The following HMMR variants were observed in gnomAD, a reference collection of about 807,000 sequenced individuals.
The protein encoded by HMMR is intracellular hyaluronic acid-binding protein.
In HMMR, 108 loss-of-function variants were observed where a neutral mutation model predicts 101.0. The ratio of observed to expected loss-of-function variants is 1.07; its 90% CI spans 0.92 to 1.25. The LOEUF is 1.25. HMMR is among the 50% of genes most tolerant of loss of function. The probability of loss-of-function intolerance (pLI) is 0.00; values close to 1 mark genes in which losing one functional copy is unlikely to be tolerated. For missense variants in HMMR, 813 were observed against 788.7 expected (o/e 1.03, Z -0.37); for synonymous variants, 296 against 276.4 (o/e 1.07, Z -0.70).
chr5:163,462,892 A>G lies in HMMR; in HGVS notation c.47-964A>G, dbSNP rs370965764. 2.8e-4 allele frequency among the ~76,000 whole-genome samples: 43 copies of G among 151,604 alleles called. No homozygotes were observed. The East Asian group carries it at 5.2e-3, about 18-fold the overall frequency. On this transcript the variant is annotated intron_variant, in intron 1 of 17. Coordinates refer to ENST00000393915, the MANE Select transcript of HMMR (RefSeq NM_001142556.2). ...CTACTGTTTGACAAACATTTAGGGG[A>G]CAGCAGTAGTTGCCTGGGAATGGTC...
chr5:163,482,145 G>C (rs1288690059), intron 12 of HMMR, among the ~76,000 whole-genome samples: 1 of 152,146 alleles, frequency 6.6e-6, no homozygotes, highest in Admixed American at 6.5e-5. Flanking sequence ...TCGAACTCCT[G>C]ACCTCAGGTG....
At position 163,475,472 on chromosome 5, in the gene HMMR, T is replaced by A. The variant is rs1759037892; in HGVS notation, c.1068T>A (p.Ser356Arg). The change falls in exon 11 of 18, where the codon AGT becomes AGA. Residue 356 changes from serine to arginine, a missense_variant. Physicochemically the swap from Ser to Arg is moderately radical, Grantham distance 110. Coordinates refer to ENST00000393915, the MANE Select transcript of HMMR (RefSeq NM_001142556.2). ...LLQQEKELSS[S>R]LHQKLCSFQE... ...TTTGGATATAGGAATTATCTTCGAG[T>A]CTTCATCAGAAGCTCTGTTCTTTTC... 2 of 1,590,506 alleles carry A rather than the reference T, an allele frequency of 1.3e-6. No individual in the cohort carries two copies. The highest frequency in any genetic ancestry group is 1.7e-6 in the Non-Finnish European group (2 of 1,166,470).
At chr5:163,490,315 C>A in intron 16 of HMMR, 75 bp from the exon 17 acceptor site, 1 of 994,800 alleles carries the variant, frequency 1.0e-6, no homozygotes, top group South Asian at 1.7e-5. Context: ...TGGAATTTGC[C>A]CGCAACATTG....
At position 163,467,758 on chromosome 5, in the gene HMMR, G is replaced by A; in HGVS notation, c.273+10G>A. The stretch of plus-strand genomic sequence containing the variant: ...GATATTAGAGAAAGAGGTAAGCAGT[G>A]CTTTAAACTTAGTGAAAAGTACACA... On this transcript the variant is annotated intron_variant, in intron 4 of 17. Coordinates refer to ENST00000393915, the MANE Select transcript of HMMR (RefSeq NM_001142556.2). 1.4e-6 allele frequency: 2 copies of A among 1,425,076 alleles called. No homozygotes were observed. Among genetic ancestry groups the A allele is most frequent in the Non-Finnish European group, 9.9e-7 (1 of 1,013,130 alleles). The allele number at this position is 1,425,076 out of a possible 1,614,324, so 88.3% of individuals were successfully genotyped here.
At position 163,491,204 on chromosome 5, in the gene HMMR, G is replaced by A. The variant is rs779835974; in HGVS notation, c.*40G>A. On this transcript the variant is annotated 3_prime_UTR_variant, in exon 18 of 18. Coordinates refer to ENST00000393915, the MANE Select transcript of HMMR (RefSeq NM_001142556.2). ...TGTTGAAGATTATTTCATTCGTCTT[G>A]TTGTTATTGATGTTGCTGTTATTAT... 5.2e-6 allele frequency: 6 copies of A among 1,154,874 alleles called. No homozygotes were observed. The highest frequency in any genetic ancestry group is 2.3e-5 in the Admixed American group (1 of 43,298). 71.5% of individuals were successfully genotyped at this position (1,154,874 alleles called of 1,614,324 possible).
chr5:163,464,939 C>T (rs769408620), intron 3 of HMMR, 137 bp downstream of exon 3: 1 of 613,114 alleles, frequency 1.6e-6, no homozygotes. Flanking sequence ...AATGAGTTAT[C>T]ATTAGAACTC....
intron 3 of HMMR, among the ~76,000 whole-genome samples, chr5:163,465,395 G>A (rs182453146): frequency 1.3e-5 from 2 of 152,060 alleles, no homozygotes; most frequent in East Asian, 1.9e-4. Context: ...GTGCAGTGGC[G>A]CCATCTCAGC....
At chr5:163,477,425 T>C (rs897423332) in intron 11 of HMMR, among the ~76,000 whole-genome samples, 1 of 152,192 alleles carries the variant, frequency 6.6e-6, no homozygotes, top group Non-Finnish European at 1.5e-5. Context: ...GATACTTTTG[T>C]TATTAATCTT....
chr5:163,465,809 A>G (rs1436688222), intron 3 of HMMR, among the ~76,000 whole-genome samples: 1 of 152,000 alleles, frequency 6.6e-6, no homozygotes, highest in Non-Finnish European at 1.5e-5. Flanking sequence ...AAAAATACAA[A>G]AATGTGCTGG....
chr5:163,461,942 AT>A (rs1399904786), intron 1 of HMMR, among the ~76,000 whole-genome samples: 1 of 152,212 alleles, frequency 6.6e-6, no homozygotes, highest in Non-Finnish European at 1.5e-5. Flanking sequence ...AGAGCTAAAT[AT>A]TAAAGCTCAT....
chr5:163,469,706 G>A lies in HMMR; in HGVS notation c.339G>A (p.Leu113=). ...DRRIQDLETE[L]EKMEARLNAA... is the part of the protein sequence containing the mutation. ...GGATCCAGGATCTGGAAACTGAGTTGGAAAAGATGGAAGCAAGGCTAAATG... is the reference window on the plus strand; with the variant it reads ...GGATCCAGGATCTGGAAACTGAGTTAGAAAAGATGGAAGCAAGGCTAAATG... Residue 113 remains leucine (L), a synonymous_variant, in exon 5 of 18, where the codon TTG becomes TTA. Coordinates refer to ENST00000393915, the MANE Select transcript of HMMR (RefSeq NM_001142556.2). The A allele has an allele frequency of 1.2e-6, 2 of 1,613,740 alleles. No homozygotes were observed. The highest frequency in any genetic ancestry group is 2.7e-5 in the African/African-American group (2 of 74,994).
intron 11 of HMMR, among the ~76,000 whole-genome samples, chr5:163,477,604 G>T (rs1759111981): frequency 6.6e-6 from 1 of 152,140 alleles, no homozygotes; most frequent in African/African-American, 2.4e-5. Flanking sequence ...AGAGAGGAAA[G>T]AAAATTGAGA....
chr5:163,467,857 A>G (rs1453067214), intron 4 of HMMR, 109 bp downstream of exon 4: 3 of 669,138 alleles, frequency 4.5e-6, no homozygotes, highest in Non-Finnish European at 8.0e-6. Flanking sequence ...CAGTGAGGCA[A>G]ACATGCCATC....
Position 163,483,020 on chromosome 5 carries a change from GA to G in HMMR, c.1534del (p.Met512CysfsTer3). The G allele has an allele frequency of 6.3e-7, 1 of 1,582,638 alleles. No homozygotes were observed. Among genetic ancestry groups the G allele is most frequent in the Non-Finnish European group, 8.5e-7 (1 of 1,170,222 alleles). On this transcript the variant is annotated frameshift_variant and splice_region_variant, in exon 14 of 18. Transcript: ENST00000393915. LOFTEE classifies it high-confidence loss of function. Reference sequence around the variant, plus strand: ...TGACCTCTTCTCTCTCAAACCAAAGGATGCTTCTAGATCTGCAGACCAAGTC... The same window carrying G: ...TGACCTCTTCTCTCTCAAACCAAAGGTGCTTCTAGATCTGCAGACCAAGTC... ...TESSNQEYVRMLLDLQTKSAL... is the reference protein window; with the variant it reads ...TESSNQEYVRXLLDLQTKSAL...
At position 163,490,575 on chromosome 5, in the gene HMMR, A is replaced by G. The variant is rs758742537; in HGVS notation, c.2125+23A>G. ...AAGGTAAGACATGAATAAATGTATA[A>G]AAGTGTCCTCTTCCTTTGGATTTGC... On this transcript the variant is annotated intron_variant, in intron 17 of 17. Transcript: ENST00000393915. The G allele has an allele frequency of 2.0e-5, 30 of 1,537,102 alleles. No individual in the cohort carries two copies. In the East Asian group the frequency reaches 6.5e-4, roughly 34 times the overall value.
chr5:163,482,679 A>G lies in HMMR; in HGVS notation c.1423A>G (p.Lys475Glu). ...ALTASEIEDL[K>E]LENSSLQEKA... is the part of the protein sequence containing the mutation. ...AACAGCCAGTGAGATAGAAGATCTTAAGCTGGAGAACTCATCATTACAGGA... is the reference window on the plus strand; with the variant it reads ...AACAGCCAGTGAGATAGAAGATCTTGAGCTGGAGAACTCATCATTACAGGA... The change falls in exon 13 of 18, where the codon AAG becomes GAG. Residue 475 changes from lysine (K) to glutamate (E), a missense_variant. Transcript: ENST00000393915. The G allele has an allele frequency of 1.2e-6, 2 of 1,612,276 alleles. No individual in the cohort carries two copies. The highest frequency in any genetic ancestry group is 1.7e-6 in the Non-Finnish European group (2 of 1,178,298).
At chr5:163,475,409 C>T in intron 10 of HMMR, 49 bp from the exon 11 acceptor site, 1 of 1,110,380 alleles carries the variant, frequency 9.0e-7, no homozygotes. Flanking sequence ...CTAGTACAAC[C>T]TCACAATGCC....
intron 12 of HMMR, among the ~76,000 whole-genome samples, chr5:163,480,199 A>T (rs1455517911): frequency 6.6e-6 from 1 of 152,172 alleles, no homozygotes; most frequent in African/African-American, 2.4e-5. Flanking sequence ...CCTGAAGTCT[A>T]CACTAATTAT....
At chr5:163,471,581 CCCT>C in intron 7 of HMMR, 118 bp downstream of exon 7, 1 of 637,362 alleles carries the variant, frequency 1.6e-6, no homozygotes, top group Non-Finnish European at 2.7e-6. Context: ...CTCATTGCCT[CCCT>C]CCAGTTGCCC....
Sources: gnomAD v4.1 joint callset for allele counts (sites outside exome capture counted in the v4.1 genomes callset) on GRCh38, gnomAD v4.1.1 for gene constraint, MANE v1.5 for transcripts, NCBI Gene and HGNC (gene_info 2026-07-23, HGNC 2026-07-21) for gene names.